TENM3: variants seen among roughly 807,000 people sequenced by gnomAD.
TENM3 encodes teneurin-3.
Under a neutral mutation model 255.1 loss-of-function variants are expected in TENM3, and 63 were observed. The ratio of observed to expected loss-of-function variants is 0.25; its 90% CI spans 0.20 to 0.30. The LOEUF is 0.30. Ranked by LOEUF, TENM3 falls within the 10% of genes least tolerant of loss-of-function variation. TENM3 has a pLI of 1.00. For synonymous variants in TENM3, 1,306 were observed against 1,322.3 expected (o/e 0.99, Z 0.27); for missense variants, 2,929 against 3,461.1 (o/e 0.85, Z 3.86).
chr4:181,645,887 A>G, the TENM3 span, among the ~76,000 whole-genome samples: 12,863 of 152,274 alleles, frequency 0.084, 682 homozygotes, highest in South Asian at 0.15. Context: ...CTAGCCTTGC[A>G]CATCGTTTTT....
intron 3 of TENM3, among the ~76,000 whole-genome samples, chr4:182,571,414 T>A (rs1416674302): frequency 6.6e-6 from 1 of 151,994 alleles, no homozygotes; most frequent in Non-Finnish European, 1.5e-5. Flanking sequence ...TAGTCCCAGC[T>A]CCTCAGGAGG....
At chr4:181,988,166 A>C in the TENM3 span, among the ~76,000 whole-genome samples, 1 of 151,866 alleles carries the variant, frequency 6.6e-6, no homozygotes, top group Non-Finnish European at 1.5e-5. Context: ...GCCTTCCTTC[A>C]CTATCGTATC....
At chr4:181,795,044 G>GT in the TENM3 span, among the ~76,000 whole-genome samples, 5 of 152,160 alleles carry the variant, frequency 3.3e-5, no homozygotes, top group Non-Finnish European at 7.3e-5. Context: ...CCCTTGTATA[G>GT]TTGGCTGTTC....
chr4:181,476,448 A>G, the TENM3 span, among the ~76,000 whole-genome samples: 1 of 152,028 alleles, frequency 6.6e-6, no homozygotes, highest in Non-Finnish European at 1.5e-5. Flanking sequence ...TGATTTATTT[A>G]TAGGGTGTGA....
chr4:182,417,855 A>G (rs1298330200), intron 3 of TENM3, among the ~76,000 whole-genome samples: 1 of 152,220 alleles, frequency 6.6e-6, no homozygotes, highest in Non-Finnish European at 1.5e-5. Context: ...TTGAAGATGT[A>G]GATGATTGAT....
the TENM3 span, among the ~76,000 whole-genome samples, chr4:182,002,147 C>T: frequency 9.2e-5 from 14 of 152,016 alleles, no homozygotes; most frequent in African/African-American, 3.1e-4. Context: ...ACCTCAATCC[C>T]ATTTATATTA....
rs1766761567 is a variant in TENM3 at position 182,799,664 on chromosome 4, C to G, written c.7413C>G (p.Ala2471=). ...CCTTCCTGTCGCTGGGGAAGATGGC[C>G]GAGGTGCAGGTGAGCCGGCGCCGGG... ...AKAFLSLGKM[A]EVQVSRRRAG... is the part of the protein sequence containing the mutation. The change falls in exon 28 of 28, where the codon GCC becomes GCG. Residue 2471 remains alanine (A), a synonymous_variant. Transcript: ENST00000511685. This position sits in a 1 kb window ranked among gnomAD's most constrained non-coding sequence, Gnocchi z 4.2. 1 of 1,548,268 alleles carries G rather than the reference C, an allele frequency of 6.5e-7. No individual in the cohort carries two copies. Among genetic ancestry groups the G allele is most frequent in the Non-Finnish European group, 8.7e-7 (1 of 1,146,668 alleles).
the TENM3 span, among the ~76,000 whole-genome samples, chr4:181,640,433 T>C: frequency 6.6e-6 from 1 of 152,196 alleles, no homozygotes; most frequent in South Asian, 2.1e-4. Flanking sequence ...TTTCATGATG[T>C]AGGGATTGTT....
chr4:181,592,501 G>A, the TENM3 span, among the ~76,000 whole-genome samples: 4 of 152,012 alleles, frequency 2.6e-5, no homozygotes, highest in African/African-American at 7.2e-5. Flanking sequence ...AAGGAGTCCT[G>A]TTTGTTTTCA....
chr4:182,185,517 C>T (rs987136359), intron 1 of TENM3, among the ~76,000 whole-genome samples: 2 of 152,338 alleles, frequency 1.3e-5, no homozygotes, highest in South Asian at 4.1e-4. Flanking sequence ...TTCATTCTTA[C>T]CTAGACAACA....
At chr4:182,725,330 G>C (rs1760077402) in intron 13 of TENM3, among the ~76,000 whole-genome samples, 2 of 151,916 alleles carry the variant, frequency 1.3e-5, no homozygotes, top group Admixed American at 1.3e-4. Context: ...CTGGCTAATT[G>C]TTTTTTTGAA....
At chr4:181,630,589 G>T in the TENM3 span, among the ~76,000 whole-genome samples, 2,444 of 152,144 alleles carry the variant, frequency 0.016, 34 homozygotes, top group East Asian at 0.038. Flanking sequence ...CCTTCATTTC[G>T]TTATGTACCC....
chr4:181,625,939 G>C, the TENM3 span, among the ~76,000 whole-genome samples: 188 of 152,144 alleles, frequency 1.2e-3, no homozygotes, highest in African/African-American at 4.5e-3. Flanking sequence ...CCCATTTCAG[G>C]GATTTTTACT....
At chr4:181,815,462 C>CAAAAAAAAAAAA in the TENM3 span, among the ~76,000 whole-genome samples, 26 of 82,002 alleles carry the variant, frequency 3.2e-4, no homozygotes, top group South Asian at 5.1e-4. Flanking sequence ...GACTCCCTAT[C>CAAAAAAAAAAAA]AAAAAAAAAA....
the TENM3 span, among the ~76,000 whole-genome samples, chr4:181,553,963 C>T: frequency 4.5e-4 from 68 of 152,194 alleles, no homozygotes; most frequent in African/African-American, 1.6e-3. Flanking sequence ...TGCCAGCTCT[C>T]CATGCCTCCT....
chr4:181,954,631 T>G, the TENM3 span, among the ~76,000 whole-genome samples: 1 of 152,210 alleles, frequency 6.6e-6, no homozygotes, highest in Admixed American at 6.5e-5. Context: ...GTGAGTTGTA[T>G]GCTTCGGTTA....
the TENM3 span, among the ~76,000 whole-genome samples, chr4:181,969,426 G>A: frequency 2.0e-5 from 3 of 152,116 alleles, no homozygotes; most frequent in Admixed American, 2.0e-4. Context: ...TTTCAAATGG[G>A]AATATTGATA....
rs749852809 is a variant in TENM3, at chr4:182,737,000, A to G, written c.3160A>G (p.Asn1054Asp). The G allele has an allele frequency of 1.9e-6, 3 of 1,613,880 alleles. No individual in the cohort carries two copies. Among genetic ancestry groups the G allele is most frequent in the African/African-American group, 2.7e-5 (2 of 75,050 alleles). The change falls in exon 17 of 28, where the codon AAC (asparagine) becomes GAC (aspartate). Residue 1054 changes from asparagine to aspartate, a missense_variant. Transcript: ENST00000511685. ...CCAAAAGTGGTTTCCTGCCTCACCA[A>G]ACTTGGCCTATACTTTCATATGGGA... Reference protein sequence around the residue: ...LFQKWFPASPNLAYTFIWDKT... With the variant: ...LFQKWFPASPDLAYTFIWDKT...
intron 3 of TENM3, among the ~76,000 whole-genome samples, chr4:182,394,628 C>T (rs1266861813): frequency 2.0e-5 from 3 of 152,094 alleles, no homozygotes; most frequent in African/African-American, 2.4e-5. Context: ...TTTTATTTTC[C>T]ATAGACACTG....
Sources: allele counts gnomAD v4.1 joint callset (sites outside exome capture counted in the v4.1 genomes callset), GRCh38; gene constraint gnomAD v4.1.1; non-coding constraint Gnocchi (gnomAD v3.1); transcripts MANE v1.5; gene names NCBI Gene and HGNC (gene_info 2026-07-23, HGNC 2026-07-21).